The following NR6A1 variants were observed in gnomAD, a reference collection of about 807,000 sequenced individuals.
The protein encoded by NR6A1 is nuclear receptor subfamily 6 group A member 1.
A neutral mutation model predicts 59.1 loss-of-function variants in NR6A1; 7 were observed. The ratio of observed to expected loss-of-function variants is 0.12; its 90% CI spans 0.07 to 0.22. The LOEUF (loss-of-function observed/expected upper bound fraction) is 0.22, where lower values mean the gene tolerates loss of function less well. Ranked by LOEUF, NR6A1 falls within the 10% of genes least tolerant of loss-of-function variation. The pLI is 1.00. For synonymous variants in NR6A1, 243 were observed against 236.1 expected, an observed-to-expected ratio of 1.03 and a Z score of -0.27; for missense variants, 468 against 611.6, an observed-to-expected ratio of 0.77 and a Z score of 2.48.
chr9:124,761,716 T>G (rs748404400), intron 1 of NR6A1, among the ~76,000 whole-genome samples: 2 of 152,222 alleles, frequency 1.3e-5, no homozygotes, highest in Non-Finnish European at 2.9e-5. Flanking sequence ...TGATGGAAGT[T>G]TTAAAAAGCA....
chr9:124,769,608 ATC>A (rs1316518244), intron 1 of NR6A1, among the ~76,000 whole-genome samples: 1 of 152,234 alleles, frequency 6.6e-6, no homozygotes, highest in East Asian at 1.9e-4. Flanking sequence ...TCAATTTGAA[ATC>A]TGTTACTTGT....
At chr9:124,616,351 C>G (rs1835889226) in intron 2 of NR6A1, among the ~76,000 whole-genome samples, 1 of 141,864 alleles carries the variant, frequency 7.0e-6, no homozygotes, top group Admixed American at 7.5e-5. Context: ...TGCAGTGAGC[C>G]AAGATCGCGC....
At chr9:124,724,444 C>T (rs1183586886) in intron 2 of NR6A1, among the ~76,000 whole-genome samples, 1 of 148,770 alleles carries the variant, frequency 6.7e-6, no homozygotes, top group Non-Finnish European at 1.5e-5. Context: ...AAAAAAACCA[C>T]ACAGCTAAAA....
intron 3 of NR6A1, among the ~76,000 whole-genome samples, chr9:124,548,425 T>G (rs1302917793): frequency 6.6e-6 from 1 of 152,208 alleles, no homozygotes; most frequent in Non-Finnish European, 1.5e-5. Context: ...TCAGCTGAAC[T>G]TGATCCTCAG....
At chr9:124,732,697 ATTT>A (rs879596333) in intron 2 of NR6A1, among the ~76,000 whole-genome samples, 4 of 144,062 alleles carry the variant, frequency 2.8e-5, no homozygotes, top group Non-Finnish European at 3.1e-5. Flanking sequence ...GCAAGTACGA[ATTT>A]TTTTTTTTTT....
At chr9:124,631,656 A>T (rs1416333681) in intron 2 of NR6A1, among the ~76,000 whole-genome samples, 1 of 150,098 alleles carries the variant, frequency 6.7e-6, no homozygotes, top group African/African-American at 2.4e-5. Flanking sequence ...AGCTACCTGC[A>T]TTTTTTTTTT....
chr9:124,547,922 T>C (rs1833648361), intron 3 of NR6A1, among the ~76,000 whole-genome samples: 1 of 152,196 alleles, frequency 6.6e-6, no homozygotes. Flanking sequence ...GACACTGAGA[T>C]GACTGGCAAA....
rs551765250 is a variant in NR6A1 at position 124,596,193 on chromosome 9, G to C, written c.143-41623C>G. On this transcript the variant is annotated intron_variant, in intron 2 of 9. Transcript: ENST00000487099. ...TGGGGCTTTTCTTCTTTTTTTTCAA[G>C]AACTATTCTATGCTATAGTCTTCCA... Among the ~76,000 whole-genome samples the C allele has an allele frequency of 5.9e-4, 90 of 151,896 alleles. 1 individual carries two copies. The South Asian group carries it at 0.018, about 30-fold the overall frequency.
chr9:124,737,896 G>A lies in NR6A1; in HGVS notation c.101-4547C>T, dbSNP rs544184333. On this transcript the variant is annotated intron_variant, in intron 1 of 9. Transcript: ENST00000487099. ...CAAAAAAAAGAGGCTGGGCGCGGTG[G>A]ATCACCTGAGGTCAGGGGTCCTAGA... 6.0e-4 allele frequency among the ~76,000 whole-genome samples: 91 copies of A among 152,078 alleles called. 1 individual carries two copies. In the South Asian group the frequency reaches 0.018, roughly 30 times the overall value.
chr9:124,572,513 AT>A, intron 2 of NR6A1, among the ~76,000 whole-genome samples: 1 of 152,346 alleles, frequency 6.6e-6, no homozygotes, highest in Middle Eastern at 3.4e-3. Context: ...TCACAGGGAA[AT>A]GATTACCCAA....
intron 2 of NR6A1, among the ~76,000 whole-genome samples, chr9:124,586,031 T>C (rs1834920140): frequency 6.6e-6 from 1 of 152,192 alleles, no homozygotes; most frequent in Non-Finnish European, 1.5e-5. Context: ...AGAGCTCTGA[T>C]GGAGATGTAC....
intron 2 of NR6A1, among the ~76,000 whole-genome samples, chr9:124,700,662 C>G (rs10986402): frequency 0.037 from 5,670 of 151,842 alleles, 337 homozygotes; most frequent in African/African-American, 0.13. Flanking sequence ...TTTTGTTTAT[C>G]CATTCACCAG....
At chr9:124,745,681 A>T (rs1408006040) in intron 1 of NR6A1, among the ~76,000 whole-genome samples, 2 of 149,922 alleles carry the variant, frequency 1.3e-5, no homozygotes, top group Admixed American at 6.7e-5. Flanking sequence ...TAAAAAAAAA[A>T]AAAAAAAATC....
intron 2 of NR6A1, among the ~76,000 whole-genome samples, chr9:124,645,164 A>C (rs766839172): frequency 6.6e-6 from 1 of 152,238 alleles, no homozygotes; most frequent in Non-Finnish European, 1.5e-5. Context: ...GAGAAAATGG[A>C]AACACATAAA....
rs373999205 is a variant in NR6A1 at position 124,651,492 on chromosome 9, A to T, written c.142+81816T>A. 1.1e-3 allele frequency among the ~76,000 whole-genome samples: 175 copies of T among 152,342 alleles called. 2 individuals are homozygous for T. Among genetic ancestry groups the T allele is most frequent in the African/African-American group, 3.8e-3 (156 of 41,586 alleles). ...CCAAATACTTATGGAAGAGGAAATG[A>T]CAATACCAACTTAATAAGAATGCTG... On this transcript the variant is annotated intron_variant, in intron 2 of 9. Coordinates refer to ENST00000487099, the MANE Select transcript of NR6A1 (RefSeq NM_033334.4).
At chr9:124,653,158 G>A (rs1837152730) in intron 2 of NR6A1, among the ~76,000 whole-genome samples, 1 of 152,052 alleles carries the variant, frequency 6.6e-6, no homozygotes, top group African/African-American at 2.4e-5. Context: ...CTTGCTATGT[G>A]ACACTGGACA....
At chr9:124,607,136 T>TC (rs995977581) in intron 2 of NR6A1, 1 of 152,208 alleles carries the variant, frequency 6.6e-6, no homozygotes, top group African/African-American at 2.4e-5. Flanking sequence ...TTTTATTTTT[T>TC]CTTTTATAGA....
In NR6A1 at chr9:124,567,448, C is replaced by T. The variant is rs113270078; in HGVS notation, c.143-12878G>A. Among the ~76,000 whole-genome samples the T allele has an allele frequency of 8.2e-3, 1,241 of 152,256 alleles. 15 individuals are homozygous for T. The highest frequency in any genetic ancestry group is 0.029 in the African/African-American group (1,184 of 41,530). On this transcript the variant is annotated intron_variant, in intron 2 of 9. Transcript: ENST00000487099. ...GGACAAAAGGATTCCACAACGAAGA[C>T]TGCATTGTCAAATGCAACATCAAAA...
chr9:124,547,092 G>C (rs954635235), intron 3 of NR6A1, among the ~76,000 whole-genome samples: 5 of 152,260 alleles, frequency 3.3e-5, no homozygotes, highest in African/African-American at 1.2e-4. Context: ...CCTGTGTGCA[G>C]TATTACAGGA....
Sources: allele counts gnomAD v4.1 joint callset (sites outside exome capture counted in the v4.1 genomes callset), GRCh38; gene constraint gnomAD v4.1.1; transcripts MANE v1.5; gene names NCBI Gene and HGNC (gene_info 2026-07-23, HGNC 2026-07-21).